CREBBP: variants seen among roughly 807,000 people sequenced by gnomAD.
The protein encoded by CREBBP is CREB binding lysine acetyltransferase, also known as CREB-binding protein.
Under a neutral mutation model 265.0 loss-of-function variants are expected in CREBBP, and 19 were observed. That is an observed-to-expected ratio of 0.07 (90% CI 0.05 to 0.11). The LOEUF is 0.11. Among genes scored for constraint, CREBBP ranks in the 10% least tolerant of loss-of-function variants. The probability of loss-of-function intolerance (pLI) is 1.00; values close to 1 mark genes in which losing one functional copy is unlikely to be tolerated. For missense variants in CREBBP, 2,525 were observed against 3,219.0 expected (o/e 0.78, Z 5.22); for synonymous variants, 1,457 against 1,223.7 (o/e 1.19, Z -3.98).
chr16:3,835,086 G>C (rs575453745), intron 2 of CREBBP, among the ~76,000 whole-genome samples: 1 of 152,248 alleles, frequency 6.6e-6, no homozygotes, highest in South Asian at 2.1e-4. Context: ...ATGAACCCGG[G>C]AGGTGGAGGT....
chr16:3,828,154 G>A (rs953225780), intron 2 of CREBBP, among the ~76,000 whole-genome samples: 3 of 151,668 alleles, frequency 2.0e-5, no homozygotes, highest in Admixed American at 6.6e-5. Context: ...GTGCAGTGGC[G>A]CAACCTCGGC....
In CREBBP at chr16:3,736,486, C is replaced by A. The variant is rs183497766; in HGVS notation, c.4560+164G>T. 31 of 1,067,560 alleles carry A rather than the reference C, an allele frequency of 2.9e-5. No homozygotes were observed. In the East Asian group the frequency reaches 7.7e-4, roughly 27 times the overall value. The allele number at this position is 1,067,560 out of a possible 1,614,324, so 66.1% of individuals were successfully genotyped here. On this transcript the variant is annotated intron_variant, in intron 27 of 30. Transcript: ENST00000262367. ...ACGGCCAGGGGAAAGCCTCAATCAGCTGAAGAAAATGCTTCTAAGTTCTCA... is the reference window on the plus strand; with the variant it reads ...ACGGCCAGGGGAAAGCCTCAATCAGATGAAGAAAATGCTTCTAAGTTCTCA...
At chr16:3,763,750 C>T (rs1251470715) in intron 16 of CREBBP, among the ~76,000 whole-genome samples, 1 of 152,190 alleles carries the variant, frequency 6.6e-6, no homozygotes, top group African/African-American at 2.4e-5. Flanking sequence ...AGGTGTGAGC[C>T]ACTGCGCCCG....
In CREBBP at chr16:3,728,062, G is replaced by A. The variant is rs2151300015; in HGVS notation, c.6985C>T (p.His2329Tyr). 1 of 1,613,844 alleles carries A rather than the reference G, an allele frequency of 6.2e-7. No individual in the cohort carries two copies. Among genetic ancestry groups the A allele is most frequent in the Non-Finnish European group, 8.5e-7 (1 of 1,179,748 alleles). ...HMLSGQPQAS[H>Y]LPGQQIATSL... ...GTGGCGATCTGCTGGCCAGGGAGAT[G>A]CGAGGCCTGTGGCTGTCCTGAGAGC... is the stretch of plus-strand genomic sequence containing the variant. Residue 2329 changes from histidine (H) to tyrosine (Y), a missense_variant, in exon 31 of 31, where the codon CAT (histidine) becomes TAT (tyrosine). Physicochemically the swap from His to Tyr is moderately conservative, Grantham distance 83 (BLOSUM62 2). This residue lies in a region of CREBBP where 473 missense variants were observed against 459.3 expected (regional missense o/e 1.03). Transcript: ENST00000262367. The surrounding 1 kb of genome is among the most constrained non-coding windows in gnomAD (Gnocchi z 8.7).
rs561341822 is a variant in CREBBP at position 3,727,961 on chromosome 16, G to A, written c.7086C>T (p.Ser2362=). ...PRPQSQPPHS[S]PSPRIQPQPS... is the part of the protein sequence containing the mutation. ...GCTGGGGCTGTATCCGTGGTGACGG[G>A]CTGGAATGTGGAGGCTGGGACTGGG... Residue 2362 remains serine (S), a synonymous_variant, in exon 31 of 31, where the codon AGC becomes AGT. Transcript: ENST00000262367. 1 of 1,607,896 alleles carries A rather than the reference G, an allele frequency of 6.2e-7. No individual in the cohort carries two copies. The highest frequency in any genetic ancestry group is 1.1e-5 in the South Asian group (1 of 90,510).
At chr16:3,751,666 G>T (rs763860243) in intron 20 of CREBBP, 60 bp downstream of exon 20, 32 of 1,533,798 alleles carry the variant, frequency 2.1e-5, no homozygotes, top group Non-Finnish European at 2.9e-5. Flanking sequence ...TTGGTAAGAG[G>T]AAAAAACAAT....
At chr16:3,791,134 T>C (rs1378850144) in intron 5 of CREBBP, 1 of 152,558 alleles carries the variant, frequency 6.6e-6, no homozygotes, top group Non-Finnish European at 1.5e-5. Flanking sequence ...GACAGGAGAC[T>C]GAAGGGCACT....
Position 3,729,328 on chromosome 16 carries a change from C to G in CREBBP, c.5719G>C (p.Ala1907Pro), listed in dbSNP as rs199990883. ...PSTPQTPQPPAQPQPSPVSMS... is the reference protein window; with the variant it reads ...PSTPQTPQPPPQPQPSPVSMS... Reference sequence around the variant, plus strand: ...CTCACGGGTGAGGGTTGGGGCTGGGCAGGGGGCTGCGGCGTCTGGGGTGTG... The same window carrying G: ...CTCACGGGTGAGGGTTGGGGCTGGGGAGGGGGCTGCGGCGTCTGGGGTGTG... The change falls in exon 31 of 31, where the codon GCC (alanine) becomes CCC (proline). Residue 1907 changes from alanine to proline, a missense_variant. By Grantham distance (27) the Ala-to-Pro change is conservative (BLOSUM62 -1). This residue lies in a region of CREBBP where 275 missense variants were observed against 276.5 expected (regional missense o/e 0.99). Transcript: ENST00000262367. The G allele has an allele frequency of 6.4e-7, 1 of 1,572,558 alleles. No homozygotes were observed. Among genetic ancestry groups the G allele is most frequent in the Middle Eastern group, 1.7e-4 (1 of 5,848 alleles).
chr16:3,801,989 G>A (rs370107314), intron 3 of CREBBP, among the ~76,000 whole-genome samples: 33 of 152,034 alleles, frequency 2.2e-4, no homozygotes, highest in African/African-American at 7.5e-4. Context: ...ATCTTCACTC[G>A]GTTTAGCCAC....
Position 3,736,639 on chromosome 16 carries a change from G to A in CREBBP, c.4560+11C>T, listed in dbSNP as rs767676524. ...TGACAAAAGCCACCACCTTCCTTCAGCGCCGGGTACCTTGTAGTCATGGAT... is the reference window on the plus strand; with the variant it reads ...TGACAAAAGCCACCACCTTCCTTCAACGCCGGGTACCTTGTAGTCATGGAT... On this transcript the variant is annotated intron_variant, in intron 27 of 30. Transcript: ENST00000262367. The A allele has an allele frequency of 1.9e-6, 3 of 1,614,208 alleles. No individual in the cohort carries two copies. The highest frequency in any genetic ancestry group is 1.1e-5 in the South Asian group (1 of 91,088).
chr16:3,852,550 T>C (rs1450666067), intron 1 of CREBBP, among the ~76,000 whole-genome samples: 1 of 152,158 alleles, frequency 6.6e-6, no homozygotes, highest in East Asian at 1.9e-4. Context: ...CTTAAAAGTG[T>C]TGAAGCTGCA....
intron 3 of CREBBP, among the ~76,000 whole-genome samples, chr16:3,801,946 C>T (rs2141315046): frequency 6.6e-6 from 1 of 152,086 alleles, no homozygotes; most frequent in African/African-American, 2.4e-5. Flanking sequence ...GAGGTTAACA[C>T]AAAGCTCACT....
chr16:3,743,722 G>A (rs575478861), intron 23 of CREBBP: 2 of 152,248 alleles, frequency 1.3e-5, no homozygotes, highest in Admixed American at 6.5e-5. Flanking sequence ...CCCAAGACTT[G>A]AGAATTGACT....
intron 3 of CREBBP, among the ~76,000 whole-genome samples, chr16:3,805,660 A>C (rs2053814491): frequency 6.6e-6 from 1 of 152,184 alleles, no homozygotes; most frequent in Admixed American, 6.5e-5. Context: ...AAAATATGAC[A>C]AACAAGGTTG....
At chr16:3,775,658 G>A (rs2141223546) in intron 11 of CREBBP, among the ~76,000 whole-genome samples, 1 of 152,278 alleles carries the variant, frequency 6.6e-6, no homozygotes, top group African/African-American at 2.4e-5. Context: ...CCCACTCCTT[G>A]AGAATTTTTT....
intron 14 of CREBBP, among the ~76,000 whole-genome samples, chr16:3,769,932 G>A (rs78516839): frequency 1.3e-5 from 2 of 151,974 alleles, no homozygotes; most frequent in South Asian, 2.1e-4. Flanking sequence ...GTACAATGGC[G>A]CAATCTCGGC....
In CREBBP at chr16:3,780,832, T is replaced by C. The variant is rs374195251; in HGVS notation, c.1723A>G (p.Ser575Gly). The C allele has an allele frequency of 3.7e-6, 6 of 1,613,780 alleles. No homozygotes were observed. The African/African-American group carries it at 8.0e-5, about 22-fold the overall frequency. ...GSNSGNIGTLSTIPTAAPPSS... is the reference protein window; with the variant it reads ...GSNSGNIGTLGTIPTAAPPSS... ...GGAGGAGCTGCTGTTGGTATAGTGC[T>C]GAGGGTTCCAATGTTACCAGAGTTG... is the stretch of plus-strand genomic sequence containing the variant. The change falls in exon 8 of 31, where the codon AGC (serine) becomes GGC (glycine). Residue 575 changes from serine (S) to glycine (G), a missense_variant. Ser to Gly is a moderately conservative substitution (Grantham distance 56). Transcript: ENST00000262367.
chr16:3,781,940 C>T (rs367917592), intron 6 of CREBBP, among the ~76,000 whole-genome samples: 1 of 152,170 alleles, frequency 6.6e-6, no homozygotes. Flanking sequence ...AGTAAGATGA[C>T]TTTAGCTGGG....
In CREBBP at chr16:3,800,357, A is replaced by T. The variant is rs551971540; in HGVS notation, c.976-6731T>A. On this transcript the variant is annotated intron_variant, in intron 3 of 30. Coordinates refer to ENST00000262367, the MANE Select transcript of CREBBP (RefSeq NM_004380.3). ...TGGTCTTGAACTCCTGGGCAGAAGC[A>T]ATTATCTCGCCTTGGCCTCCCAAAG... Among the ~76,000 whole-genome samples the T allele has an allele frequency of 2.0e-5, 3 of 152,258 alleles. No homozygotes were observed. The South Asian group carries it at 6.2e-4, about 32-fold the overall frequency.
Sources: gnomAD v4.1 joint callset for allele counts (sites outside exome capture counted in the v4.1 genomes callset) on GRCh38, gnomAD v4.1.1 for gene constraint, gnomAD v4.1.1 regional missense constraint, Gnocchi (gnomAD v3.1) non-coding constraint, MANE v1.5 for transcripts, NCBI Gene and HGNC (gene_info 2026-07-23, HGNC 2026-07-21) for gene names.